The following NUP205 variants were observed in gnomAD, a reference collection of about 807,000 sequenced individuals.
NUP205 encodes nucleoporin 205, also known as nuclear pore complex protein Nup205.
Under a neutral mutation model 253.8 loss-of-function variants are expected in NUP205, and 76 were observed. The ratio of observed to expected loss-of-function variants is 0.30; its 90% CI spans 0.25 to 0.36. The LOEUF is 0.36. Ranked by LOEUF, NUP205 falls within the 10% of genes least tolerant of loss-of-function variation. The pLI, the probability that NUP205 is intolerant of heterozygous loss-of-function variation, is 1.00. For synonymous variants in NUP205, 832 were observed against 850.1 expected (o/e 0.98, Z 0.37); for missense variants, 2,162 against 2,425.5 (o/e 0.89, Z 2.28).
At chr7:135,596,548 T>A (rs1793837951) in intron 13 of NUP205, among the ~76,000 whole-genome samples, 1 of 152,170 alleles carries the variant, frequency 6.6e-6, no homozygotes, top group Non-Finnish European at 1.5e-5. Context: ...GAAAGTAAAG[T>A]ATCATGACAG....
intron 1 of NUP205, among the ~76,000 whole-genome samples, chr7:135,570,814 T>TA (rs1253120803): frequency 7.5e-5 from 8 of 106,572 alleles, no homozygotes; most frequent in African/African-American, 3.2e-4. Flanking sequence ...TATATATTAA[T>TA]TATATTAATA....
chr7:135,592,999 A>G lies in NUP205; in HGVS notation c.1637A>G (p.Gln546Arg). ...TTTTTCTTTATAGTTGAAAATATTC[A>G]GGGAGCAGGTGGCAGTCCTGTTTCC... is the stretch of plus-strand genomic sequence containing the variant. Reference protein sequence around the residue: ...VNGSSHVENIQGAGGSPVSWE... With the variant: ...VNGSSHVENIRGAGGSPVSWE... The change falls in exon 12 of 43, where the codon CAG becomes CGG. Residue 546 changes from glutamine to arginine, a missense_variant. Physicochemically the swap from Gln to Arg is conservative, Grantham distance 43. Around this residue, in one of 5 missense-constraint regions of NUP205, gnomAD observed 892 missense variants for 957.1 expected, o/e 0.93. Transcript: ENST00000285968. 3.1e-6 allele frequency: 5 copies of G among 1,611,452 alleles called. No homozygotes were observed. The highest frequency in any genetic ancestry group is 4.2e-6 in the Non-Finnish European group (5 of 1,177,688).
In NUP205 at chr7:135,606,676, A is replaced by G. The variant is rs1794091963; in HGVS notation, c.2906-75A>G. ...AAAGAAAACATGGAGTTGGAATACA[A>G]GTTTTGTATTTTTTATTTGACTTAC... On this transcript the variant is annotated intron_variant, in intron 20 of 42. Transcript: ENST00000285968. 3.5e-6 allele frequency: 4 copies of G among 1,151,600 alleles called. No individual in the cohort carries two copies. The South Asian group carries it at 5.4e-5, about 15-fold the overall frequency. The allele number at this position is 1,151,600 out of a possible 1,614,324, so 71.3% of individuals were successfully genotyped here. A position where few individuals can be genotyped will look rare whatever the true frequency, so the allele number is the denominator to read the frequency against.
At chr7:135,614,300 A>G in intron 23 of NUP205, 27 bp downstream of exon 23, 1 of 1,142,452 alleles carries the variant, frequency 8.8e-7, no homozygotes. Context: ...CCGTATTTAT[A>G]AGAACACATT....
At chr7:135,593,901 A>G (rs145222994) in intron 12 of NUP205, among the ~76,000 whole-genome samples, 6 of 152,202 alleles carry the variant, frequency 3.9e-5, no homozygotes, top group Admixed American at 2.6e-4. Context: ...CTAGTGTTCT[A>G]TAGCACTACA....
intron 35 of NUP205, chr7:135,635,361 C>G: frequency 3.0e-6 from 1 of 338,508 alleles, no homozygotes; most frequent in Non-Finnish European, 5.3e-6. Context: ...TCATTTCACT[C>G]TGCATTTTAG....
intron 38 of NUP205, among the ~76,000 whole-genome samples, chr7:135,639,249 G>A (rs1584692317): frequency 6.6e-6 from 1 of 152,046 alleles, no homozygotes; most frequent in Non-Finnish European, 1.5e-5. Flanking sequence ...TTGACTGTTG[G>A]TGATTTCAGG....
intron 2 of NUP205, 24 bp downstream of exon 2, chr7:135,571,271 T>C (rs770070863): frequency 1.5e-6 from 2 of 1,374,132 alleles, no homozygotes; most frequent in South Asian, 1.9e-5. Flanking sequence ...TTTTTCAGTT[T>C]TTTTGGGATT....
Position 135,606,408 on chromosome 7 carries a change from A to G in NUP205, c.2905+182A>G, listed in dbSNP as rs71539418. 0.046 allele frequency among the ~76,000 whole-genome samples: 7,037 copies of G among 152,316 alleles called. 224 individuals carry two copies. Among genetic ancestry groups the G allele is most frequent in the Non-Finnish European group, 0.071 (4,839 of 68,020 alleles). On this transcript the variant is annotated intron_variant, in intron 20 of 42. Transcript: ENST00000285968. ...AATCTGAAACCTTTTGACCACCACC[A>G]ACATGACTCTCAAAGGAAATGCTCA... is the stretch of plus-strand genomic sequence containing the variant.
chr7:135,573,817 T>G lies in NUP205; in HGVS notation c.335T>G (p.Leu112Arg). Reference protein sequence around the residue: ...DIGELAAVELLLAGEHQQPHF... With the variant: ...DIGELAAVELRLAGEHQQPHF... Reference sequence around the variant, plus strand: ...GGAGAATTGGCAGCTGTTGAGCTTCTTCTTGCTGGTAGGTTGACATTTAAC... The same window carrying G: ...GGAGAATTGGCAGCTGTTGAGCTTCGTCTTGCTGGTAGGTTGACATTTAAC... Residue 112 changes from leucine (L) to arginine (R), a missense_variant, in exon 3 of 43, where the codon CTT becomes CGT. Physicochemically the swap from Leu to Arg is moderately radical, Grantham distance 102 (BLOSUM62 -2). Coordinates refer to ENST00000285968, the MANE Select transcript of NUP205 (RefSeq NM_015135.3). 1 of 1,608,684 alleles carries G rather than the reference T, an allele frequency of 6.2e-7. No homozygotes were observed. The highest frequency in any genetic ancestry group is 8.5e-7 in the Non-Finnish European group (1 of 1,178,534).
chr7:135,633,964 C>T (rs758740685), intron 35 of NUP205, among the ~76,000 whole-genome samples: 1 of 152,214 alleles, frequency 6.6e-6, no homozygotes, highest in African/African-American at 2.4e-5. Flanking sequence ...GTCTTAAACG[C>T]TCCCATTAGA....
At chr7:135,645,878 C>A in intron 41 of NUP205, 2 of 576,598 alleles carry the variant, frequency 3.5e-6, no homozygotes, top group East Asian at 2.9e-5. Context: ...AGGAGGTCTG[C>A]TATTATGCTG....
At chr7:135,611,813 T>C (rs1794246330) in intron 22 of NUP205, among the ~76,000 whole-genome samples, 1 of 152,162 alleles carries the variant, frequency 6.6e-6, no homozygotes, top group Non-Finnish European at 1.5e-5. Flanking sequence ...GTTTTGTATT[T>C]TTCTTAAGAA....
intron 33 of NUP205, among the ~76,000 whole-genome samples, chr7:135,627,036 C>A (rs181947856): frequency 6.6e-6 from 1 of 152,186 alleles, no homozygotes; most frequent in East Asian, 1.9e-4. Context: ...TTTAGTATTG[C>A]GGTCTAAAGT....
chr7:135,628,033 G>A lies in NUP205; in HGVS notation c.4854G>A (p.Gln1618=). The change falls in exon 34 of 43, where the codon CAG becomes CAA. Residue 1618 remains glutamine (Q), a synonymous_variant. Transcript: ENST00000285968. The part of the protein sequence containing the change: ...FIPTPVDRYR[Q]ILLPALQLCQ... ...CTACCCCAGTGGATCGCTACCGCCAGATTCTCCTCCCAGCTCTCCAGCTGT... is the reference window on the plus strand; with the variant it reads ...CTACCCCAGTGGATCGCTACCGCCAAATTCTCCTCCCAGCTCTCCAGCTGT... 1 of 1,611,460 alleles carries A rather than the reference G, an allele frequency of 6.2e-7. No individual in the cohort carries two copies. The highest frequency in any genetic ancestry group is 1.1e-5 in the South Asian group (1 of 90,848).
Position 135,577,140 on chromosome 7 carries a change from A to T in NUP205, c.648+12A>T. 4 of 1,599,444 alleles carry T rather than the reference A, an allele frequency of 2.5e-6. No homozygotes were observed. The highest frequency in any genetic ancestry group is 3.4e-6 in the Non-Finnish European group (4 of 1,174,772). ...AACATCGCAAAGAGGCAAGGGTTCA[A>T]TGAAATCAATTCATGAGTTGTCTGT... On this transcript the variant is annotated intron_variant, in intron 5 of 42. Coordinates refer to ENST00000285968, the MANE Select transcript of NUP205 (RefSeq NM_015135.3).
At chr7:135,568,116 A>C (rs1805837519) in intron 1 of NUP205, among the ~76,000 whole-genome samples, 1 of 151,806 alleles carries the variant, frequency 6.6e-6, no homozygotes, top group Non-Finnish European at 1.5e-5. Flanking sequence ...CCAGCTACTC[A>C]GGAAGCTGAG....
intron 1 of NUP205, among the ~76,000 whole-genome samples, chr7:135,562,253 G>A (rs1036444637): frequency 2.6e-5 from 4 of 152,056 alleles, no homozygotes; most frequent in Admixed American, 2.0e-4. Flanking sequence ...CTGGAGTGCG[G>A]TGGTGTGATC....
At chr7:135,647,905 A>T (rs149837207) in intron 42 of NUP205, among the ~76,000 whole-genome samples, 1 of 152,324 alleles carries the variant, frequency 6.6e-6, no homozygotes, top group African/African-American at 2.4e-5. Context: ...TAAAGCATAT[A>T]ACAGGTGTAT....
Sources: allele counts gnomAD v4.1 joint callset (sites outside exome capture counted in the v4.1 genomes callset), GRCh38; gene constraint gnomAD v4.1.1; regional missense constraint gnomAD v4.1.1; transcripts MANE v1.5; gene names NCBI Gene and HGNC (gene_info 2026-07-23, HGNC 2026-07-21).